The following HEATR5A variants were observed in gnomAD, a reference collection of about 807,000 sequenced individuals.
HEATR5A encodes HEAT repeat containing 5A, also known as HEAT repeat-containing protein 5A.
HEATR5A carries 178 observed loss-of-function variants against 218.8 expected under a neutral mutation model. That is an observed-to-expected ratio of 0.81 (90% CI 0.72 to 0.92). The LOEUF (loss-of-function observed/expected upper bound fraction) is 0.92. Among genes scored for constraint, HEATR5A ranks in the 40% least tolerant of loss-of-function variants. The pLI is 0.00. For synonymous variants in HEATR5A, 864 were observed against 871.6 expected (o/e 0.99, Z 0.15); for missense variants, 2,420 against 2,418.9 (o/e 1.00, Z -0.01).
chr14:31,352,847 A>G (rs148196711), intron 16 of HEATR5A, among the ~76,000 whole-genome samples: 2 of 152,140 alleles, frequency 1.3e-5, no homozygotes, highest in East Asian at 3.9e-4. Context: ...ACTCCCAGCT[A>G]CTTGGGAGGC....
At position 31,344,082 on chromosome 14, in the gene HEATR5A, A is replaced by T; in HGVS notation, c.3059-17T>A. 7.0e-7 allele frequency: 1 copy of T among 1,426,776 alleles called. No homozygotes were observed. The highest frequency in any genetic ancestry group is 9.3e-7 in the Non-Finnish European group (1 of 1,072,118). 88.4% of individuals were successfully genotyped at this position (1,426,776 alleles called of 1,614,324 possible). Reference sequence around the variant, plus strand: ...TACTGTTACCTAAAATAAAAAGCAGAAAGCTTTTAATAATTGGCCTATAAA... The same window carrying T: ...TACTGTTACCTAAAATAAAAAGCAGTAAGCTTTTAATAATTGGCCTATAAA... On this transcript the variant is annotated splice_polypyrimidine_tract_variant and intron_variant, in intron 20 of 35. Transcript: ENST00000543095.
At chr14:31,362,047 C>T (rs540002425) in intron 14 of HEATR5A, among the ~76,000 whole-genome samples, 73 of 152,172 alleles carry the variant, frequency 4.8e-4, no homozygotes, top group African/African-American at 1.7e-3. Context: ...TCACTGCAAC[C>T]TTTGCCTCCC....
intron 6 of HEATR5A, among the ~76,000 whole-genome samples, chr14:31,390,386 C>T (rs2030406274): frequency 6.6e-6 from 1 of 151,990 alleles, no homozygotes; most frequent in East Asian, 1.9e-4. Flanking sequence ...GCAGGGAAAA[C>T]CATTAGGAAT....
At chr14:31,363,973 C>A (rs1901716552) in intron 14 of HEATR5A, among the ~76,000 whole-genome samples, 1 of 151,322 alleles carries the variant, frequency 6.6e-6, no homozygotes, top group Non-Finnish European at 1.5e-5. Context: ...GACCCTGTCT[C>A]AAAAAAAATT....
rs1177039677 is a variant in HEATR5A, at chr14:31,394,193, T to C, written c.631A>G (p.Met211Val). 9 of 1,505,378 alleles carry C rather than the reference T, an allele frequency of 6.0e-6. No individual in the cohort carries two copies. The highest frequency in any genetic ancestry group is 7.9e-6 in the Non-Finnish European group (9 of 1,135,328). The allele number at this position is 1,505,378 out of a possible 1,614,324, so 93.3% of individuals were successfully genotyped here. The change falls in exon 6 of 36, where the codon ATG becomes GTG. Residue 211 changes from methionine (M) to valine (V), a missense_variant. By Grantham distance (21) the Met-to-Val change is conservative (BLOSUM62 1). Coordinates refer to ENST00000543095, the MANE Select transcript of HEATR5A (RefSeq NM_015473.4). ...ACACTGTCCAGGTCCGTACTCCACA[T>C]AAAGATGGCTTCATTCTGAAGTTCA... ...LLELQNEAIF[M>V]WSTDLDSVAT...
chr14:31,339,068 C>T (rs987362424), intron 21 of HEATR5A, among the ~76,000 whole-genome samples: 2 of 149,058 alleles, frequency 1.3e-5, no homozygotes, highest in East Asian at 2.0e-4. Context: ...CGCAGTGAGC[C>T]GAGATCACGC....
intron 13 of HEATR5A, among the ~76,000 whole-genome samples, chr14:31,369,424 C>T (rs1901934436): frequency 6.6e-6 from 1 of 151,276 alleles, no homozygotes; most frequent in Non-Finnish European, 1.5e-5. Context: ...ACCAGCCTGG[C>T]CAACATGGCA....
chr14:31,395,634 T>G (rs974518287), intron 4 of HEATR5A, among the ~76,000 whole-genome samples: 1 of 152,218 alleles, frequency 6.6e-6, no homozygotes, highest in African/African-American at 2.4e-5. Flanking sequence ...CATTAAGCAT[T>G]CAATAAATAG....
intron 21 of HEATR5A, chr14:31,340,607 G>T: frequency 2.1e-6 from 1 of 466,636 alleles, no homozygotes; most frequent in Non-Finnish European, 3.3e-6. Flanking sequence ...CTTAGCTTCA[G>T]CTTAAAAATT....
intron 14 of HEATR5A, among the ~76,000 whole-genome samples, chr14:31,359,781 T>C (rs570361440): frequency 6.7e-6 from 1 of 149,270 alleles, no homozygotes; most frequent in Non-Finnish European, 1.5e-5. Context: ...CTTAGACATG[T>C]TATTATGGAA....
rs770982846 is a variant in HEATR5A at position 31,387,201 on chromosome 14, CTA to C, written c.1106_1107del (p.Ile369ArgfsTer33). The C allele has an allele frequency of 1.4e-5, 23 of 1,613,772 alleles. No individual in the cohort carries two copies. Among genetic ancestry groups the C allele is most frequent in the Admixed American group, 3.3e-5 (2 of 59,990 alleles). On this transcript the variant is annotated frameshift_variant, in exon 8 of 36. Transcript: ENST00000543095. LOFTEE classifies it high-confidence loss of function. ...TGAGCCTTTTCTCCAAGAAGACCAC[CTA>C]TAGTAGTTCGAAGAATAAATGAAAC... ...RCVSFILRTT[I>X]GGLLGEKAQL... is the part of the protein sequence containing the mutation.
At chr14:31,300,913 CAGTT>C (rs934618296) in intron 33 of HEATR5A, among the ~76,000 whole-genome samples, 1 of 151,990 alleles carries the variant, frequency 6.6e-6, no homozygotes, top group African/African-American at 2.4e-5. Context: ...TAAAAAAAAC[CAGTT>C]AGAATTTTTT....
chr14:31,410,535 A>T (rs907012083), intron 1 of HEATR5A, among the ~76,000 whole-genome samples: 1 of 152,222 alleles, frequency 6.6e-6, no homozygotes, highest in African/African-American at 2.4e-5. Context: ...TTGCTTAAAG[A>T]AGGCTGCCCC....
chr14:31,308,448 G>A (rs1330131813), intron 29 of HEATR5A, among the ~76,000 whole-genome samples: 16 of 151,176 alleles, frequency 1.1e-4, no homozygotes, highest in African/African-American at 2.7e-4. Context: ...CAGAGGTTGC[G>A]GTGAGCCGAG....
intron 1 of HEATR5A, among the ~76,000 whole-genome samples, chr14:31,419,756 T>C (rs1566789214): frequency 2.0e-5 from 3 of 152,270 alleles, no homozygotes. Flanking sequence ...TAAAACGCTT[T>C]ATAAAGTTTC....
intron 10 of HEATR5A, among the ~76,000 whole-genome samples, chr14:31,381,446 G>A (rs117031891): frequency 1.6e-3 from 244 of 151,748 alleles, no homozygotes; most frequent in South Asian, 9.4e-3. Context: ...GACTCAGAAG[G>A]CCAAGGTGGG....
intron 11 of HEATR5A, among the ~76,000 whole-genome samples, chr14:31,377,409 A>G (rs531333674): frequency 2.4e-5 from 1 of 41,800 alleles, no homozygotes; most frequent in African/African-American, 6.2e-5. Flanking sequence ...TGAGCTCATA[A>G]TGATACCTAA....
chr14:31,340,794 G>A (rs1207276308), intron 21 of HEATR5A, among the ~76,000 whole-genome samples: 1 of 152,072 alleles, frequency 6.6e-6, no homozygotes, highest in Non-Finnish European at 1.5e-5. Context: ...GTAGACATAA[G>A]TGTTGAGAGG....
chr14:31,292,404 A>G lies in HEATR5A; in HGVS notation c.*901T>C, dbSNP rs1899054935. The G allele has an allele frequency of 6.6e-6, 1 of 152,146 alleles. No individual in the cohort carries two copies. The highest frequency in any genetic ancestry group is 6.6e-5 in the Admixed American group (1 of 15,248). The allele number at this position is 152,146 out of a possible 1,614,324, so 9.4% of individuals were successfully genotyped here. Reference sequence around the variant, plus strand: ...TCTGAACCCAATATAAACTAAACCAAAAGATGGTGGAAAACCATGATATAG... The same window carrying G: ...TCTGAACCCAATATAAACTAAACCAGAAGATGGTGGAAAACCATGATATAG... On this transcript the variant is annotated 3_prime_UTR_variant, in exon 36 of 36. Transcript: ENST00000543095.
Sources: allele counts gnomAD v4.1 joint callset (sites outside exome capture counted in the v4.1 genomes callset), GRCh38; gene constraint gnomAD v4.1.1; transcripts MANE v1.5; gene names NCBI Gene and HGNC (gene_info 2026-07-23, HGNC 2026-07-21).